The following RC3H1 variants were observed in gnomAD, a reference collection of about 807,000 sequenced individuals.
RC3H1 encodes ring finger and CCCH-type domains 1, also known as roquin-1.
RC3H1 carries 50 observed loss-of-function variants against 138.2 expected under a neutral mutation model. That is an observed-to-expected ratio of 0.36 (90% CI 0.29 to 0.46). The LOEUF (loss-of-function observed/expected upper bound fraction) is 0.46, where lower values mean the gene tolerates loss of function less well. Ranked by LOEUF, RC3H1 falls within the 20% of genes least tolerant of loss-of-function variation. RC3H1 has a pLI of 1.00. For synonymous variants in RC3H1, 462 were observed against 489.1 expected (o/e 0.94, Z 0.73); for missense variants, 1,031 against 1,388.1 (o/e 0.74, Z 4.09).
Position 173,937,208 on chromosome 1 carries a change from G to A in RC3H1, c.*1513C>T, listed in dbSNP as rs1658640979. 6.6e-6 allele frequency: 1 copy of A among 151,456 alleles called. No homozygotes were observed. The highest frequency in any genetic ancestry group is 1.5e-5 in the Non-Finnish European group (1 of 67,820). 9.4% of individuals were successfully genotyped at this position (151,456 alleles called of 1,614,324 possible). ...CCACCCCCACCACCCATTTGTTTAAGTTAACAGTATGATGGACACAGAGCT... is the reference window on the plus strand; with the variant it reads ...CCACCCCCACCACCCATTTGTTTAAATTAACAGTATGATGGACACAGAGCT... On this transcript the variant is annotated 3_prime_UTR_variant, in exon 20 of 20. Coordinates refer to ENST00000367696, the MANE Select transcript of RC3H1 (RefSeq NM_172071.4).
chr1:173,956,135 A>AAAAAAAAAAAG (rs890946608), intron 13 of RC3H1, among the ~76,000 whole-genome samples: 1 of 151,106 alleles, frequency 6.6e-6, no homozygotes, highest in Non-Finnish European at 1.5e-5. Flanking sequence ...TGTCTCAAAA[A>AAAAAAAAAAAG]AAAAAAAAAA....
At chr1:173,942,809 G>A (rs987712275) in intron 18 of RC3H1, among the ~76,000 whole-genome samples, 2 of 151,176 alleles carry the variant, frequency 1.3e-5, no homozygotes, top group South Asian at 2.1e-4. Context: ...CAGCCTGGGC[G>A]ACAGAGACTC....
intron 9 of RC3H1, among the ~76,000 whole-genome samples, chr1:173,967,422 T>G (rs1197667369): frequency 1.3e-5 from 2 of 152,178 alleles, no homozygotes; most frequent in African/African-American, 2.4e-5. Context: ...AATTAGAAAT[T>G]TTTATGTCAT....
At chr1:174,021,613 G>A (rs1336626213) in intron 1 of RC3H1, among the ~76,000 whole-genome samples, 5 of 152,166 alleles carry the variant, frequency 3.3e-5, no homozygotes, top group African/African-American at 1.2e-4. Context: ...CTTGGCCAAA[G>A]AAGGGGAGCG....
At position 173,936,596 on chromosome 1, in the gene RC3H1, T is replaced by G. The variant is rs1022055574; in HGVS notation, c.*2125A>C. On this transcript the variant is annotated 3_prime_UTR_variant, in exon 20 of 20. Coordinates refer to ENST00000367696, the MANE Select transcript of RC3H1 (RefSeq NM_172071.4). The stretch of plus-strand genomic sequence containing the variant: ...CTGTTATGCAGAGAAATGAAAAATC[T>G]TGGGACTCTGTCAGACATACAAAAG... The G allele has an allele frequency of 6.7e-6, 1 of 148,546 alleles. No individual in the cohort carries two copies. Among genetic ancestry groups the G allele is most frequent in the African/African-American group, 2.5e-5 (1 of 40,684 alleles). 9.2% of individuals were successfully genotyped at this position (148,546 alleles called of 1,614,324 possible).
In RC3H1 at chr1:173,932,028, G is replaced by A. The variant is rs934982236; in HGVS notation, c.*6693C>T. 1 of 151,834 alleles carries A rather than the reference G, an allele frequency of 6.6e-6. No individual in the cohort carries two copies. The highest frequency in any genetic ancestry group is 1.5e-5 in the Non-Finnish European group (1 of 67,950). The allele number at this position is 151,834 out of a possible 1,614,324, so 9.4% of individuals were successfully genotyped here. ...TGGTAAGTCTACCACTGATTTATAA[G>A]AGCAGGAGTATAAATTCTATCCAAA... is the stretch of plus-strand genomic sequence containing the variant. On this transcript the variant is annotated 3_prime_UTR_variant, in exon 20 of 20. Transcript: ENST00000367696.
At chr1:173,952,402 T>TAAA (rs35197109) in intron 13 of RC3H1, among the ~76,000 whole-genome samples, 3,586 of 47,130 alleles carry the variant, frequency 0.076, 193 homozygotes, top group East Asian at 0.18. Flanking sequence ...TAGCAGAAGG[T>TAAA]AAAAAAAAAA....
chr1:174,012,140 TG>T (rs11309534), intron 1 of RC3H1, among the ~76,000 whole-genome samples: 43,749 of 151,464 alleles, frequency 0.29, 11,295 homozygotes, highest in African/African-American at 0.7. Context: ...CTGAGGTGAG[TG>T]GATCACTTGA....
chr1:173,990,719 C>T (rs934255250), intron 2 of RC3H1, among the ~76,000 whole-genome samples: 2 of 151,894 alleles, frequency 1.3e-5, no homozygotes, highest in East Asian at 1.9e-4. Flanking sequence ...ACTCCTGCCT[C>T]GGCCTCCCAA....
intron 13 of RC3H1, among the ~76,000 whole-genome samples, chr1:173,960,479 C>T (rs959914529): frequency 5.3e-5 from 8 of 152,016 alleles, no homozygotes; most frequent in African/African-American, 1.9e-4. Context: ...TCCTTGAATT[C>T]AGTGTGTATT....
In RC3H1 at chr1:173,998,141, A is replaced by G. The variant is rs185779638; in HGVS notation, c.-150-5006T>C. On this transcript the variant is annotated intron_variant, in intron 1 of 19. Transcript: ENST00000367696. Reference sequence around the variant, plus strand: ...AGAAAAAGGTATGTCAGCAAACTAAAAAAGGGCCACAAAACAAAAACAGCT... The same window carrying G: ...AGAAAAAGGTATGTCAGCAAACTAAGAAAGGGCCACAAAACAAAAACAGCT... Among the ~76,000 whole-genome samples the G allele has an allele frequency of 2.4e-3, 361 of 152,230 alleles. 1 individual carries two copies. Among genetic ancestry groups the G allele is most frequent in the Middle Eastern group, 3.4e-3 (1 of 292 alleles).
intron 13 of RC3H1, among the ~76,000 whole-genome samples, chr1:173,960,002 G>A (rs1176584199): frequency 6.6e-6 from 1 of 150,698 alleles, no homozygotes; most frequent in East Asian, 1.9e-4. Context: ...CAGTTACTCA[G>A]GAGGCTGGGG....
intron 2 of RC3H1, among the ~76,000 whole-genome samples, chr1:173,988,940 A>T (rs1184147360): frequency 6.6e-6 from 1 of 152,212 alleles, no homozygotes; most frequent in Non-Finnish European, 1.5e-5. Flanking sequence ...TTCTACATAT[A>T]AGTCTTTATC....
At chr1:174,003,119 G>A (rs555053340) in intron 1 of RC3H1, among the ~76,000 whole-genome samples, 14 of 152,262 alleles carry the variant, frequency 9.2e-5, no homozygotes, top group African/African-American at 2.9e-4. Flanking sequence ...CAGGCGTGGT[G>A]GCTTATGCCT....
At position 173,961,804 on chromosome 1, in the gene RC3H1, G is replaced by T; in HGVS notation, c.2123C>A (p.Ser708Tyr). The change falls in exon 12 of 20, where the codon TCC becomes TAC. Residue 708 changes from serine (S) to tyrosine (Y), a missense_variant. Coordinates refer to ENST00000367696, the MANE Select transcript of RC3H1 (RefSeq NM_172071.4). The part of the protein sequence containing the change: ...PAAVPSYVPE[S>Y]RERYQQIESY... ...CTCGATCTGTTGGTATCTTTCTCTG[G>T]ATTCTGGTACATACGATGGTACTGC... The T allele has an allele frequency of 6.2e-7, 1 of 1,613,706 alleles. No individual in the cohort carries two copies. The highest frequency in any genetic ancestry group is 1.1e-5 in the South Asian group (1 of 91,066).
Position 173,964,091 on chromosome 1 carries a change from G to A in RC3H1, c.1713C>T (p.Thr571=), listed in dbSNP as rs1293036744. Residue 571 remains threonine, a synonymous_variant, in exon 11 of 20, where the codon ACC becomes ACT. Transcript: ENST00000367696. ...CTCGAGGTACCATCTGAAGTGGTTT[G>A]GTAACAGGCATTGGAGGCAGATCTG... The part of the protein sequence containing the change: ...GPADLPPMPV[T]KPLQMVPRGS... 1 of 1,614,100 alleles carries A rather than the reference G, an allele frequency of 6.2e-7. No individual in the cohort carries two copies. The highest frequency in any genetic ancestry group is 8.5e-7 in the Non-Finnish European group (1 of 1,179,976).
At chr1:174,010,358 A>G (rs975793187) in intron 1 of RC3H1, among the ~76,000 whole-genome samples, 2 of 152,142 alleles carry the variant, frequency 1.3e-5, no homozygotes, top group Admixed American at 1.3e-4. Flanking sequence ...GAATGAAATA[A>G]AGTCCTTGCT....
At chr1:173,984,878 A>G (rs1239375908) in intron 2 of RC3H1, among the ~76,000 whole-genome samples, 3 of 152,188 alleles carry the variant, frequency 2.0e-5, no homozygotes, top group Admixed American at 6.5e-5. Context: ...GGTTTTCAGT[A>G]TATTCACAGT....
chr1:173,943,668 C>G, intron 17 of RC3H1, 53 bp from the exon 18 acceptor site: 1 of 1,513,300 alleles, frequency 6.6e-7, no homozygotes, highest in South Asian at 1.3e-5. Flanking sequence ...ACACCATGCA[C>G]AGAATAACCA....
Sources: allele counts gnomAD v4.1 joint callset (sites outside exome capture counted in the v4.1 genomes callset), GRCh38; gene constraint gnomAD v4.1.1; transcripts MANE v1.5; gene names NCBI Gene and HGNC (gene_info 2026-07-23, HGNC 2026-07-21).